The following TNR variants were observed in gnomAD, a reference collection of about 807,000 sequenced individuals.
TNR encodes tenascin-R.
TNR carries 45 observed loss-of-function variants against 150.4 expected under a neutral mutation model. The ratio of observed to expected loss-of-function variants is 0.30; its 90% CI spans 0.24 to 0.38. The LOEUF is 0.38. Ranked by LOEUF, TNR falls within the 10% of genes least tolerant of loss-of-function variation. The pLI is 1.00. For synonymous variants in TNR, 687 were observed against 678.4 expected, an observed-to-expected ratio of 1.01 and a Z score of -0.20; for missense variants, 1,544 against 1,759.1, an observed-to-expected ratio of 0.88 and a Z score of 2.19.
chr1:175,470,258 C>A (rs767131105), intron 2 of TNR, among the ~76,000 whole-genome samples: 2 of 151,918 alleles, frequency 1.3e-5, no homozygotes, highest in Non-Finnish European at 2.9e-5. Context: ...TGGATTAGAT[C>A]ATTGAAAGAA....
chr1:175,392,843 T>G (rs1653244003), intron 6 of TNR, among the ~76,000 whole-genome samples: 1 of 152,172 alleles, frequency 6.6e-6, no homozygotes, highest in Non-Finnish European at 1.5e-5. Context: ...TAAACTAAAC[T>G]AGATGTAAAA....
At chr1:175,406,888 G>T in intron 2 of TNR, 111 bp from the exon 3 acceptor site, 1 of 756,170 alleles carries the variant, frequency 1.3e-6, no homozygotes, top group Non-Finnish European at 2.1e-6. Context: ...TTTCAAGGGG[G>T]GGGCGTCAGG....
In TNR at chr1:175,316,619, T is replaced by G. The variant is rs1328272820; in HGVS notation, c.*6738A>C. ...CTTCCTCAATCCTGGCTACACTGCC[T>G]GCTCCAGCTTGAAAAAAATGACTGG... On this transcript the variant is annotated 3_prime_UTR_variant, in exon 23 of 23. Transcript: ENST00000367674. The G allele has an allele frequency of 1.3e-5, 2 of 152,234 alleles. No homozygotes were observed. The highest frequency in any genetic ancestry group is 3.9e-4 in the East Asian group (2 of 5,180). The allele number at this position is 152,234 out of a possible 1,614,324, so 9.4% of individuals were successfully genotyped here.
At chr1:175,654,499 T>G (rs1665109685) in intron 1 of TNR, among the ~76,000 whole-genome samples, 1 of 152,118 alleles carries the variant, frequency 6.6e-6, no homozygotes, top group Admixed American at 6.5e-5. Context: ...GGGGATCACA[T>G]TTTTTCCAGC....
At chr1:175,356,522 A>G in intron 15 of TNR, 60 bp from the exon 16 acceptor site, 1 of 1,590,594 alleles carries the variant, frequency 6.3e-7, no homozygotes, top group Non-Finnish European at 8.6e-7. Flanking sequence ...GGAAAGATCT[A>G]CCAAATCCAA....
chr1:175,355,113 T>C (rs1651258905), intron 17 of TNR, among the ~76,000 whole-genome samples: 1 of 152,214 alleles, frequency 6.6e-6, no homozygotes, highest in African/African-American at 2.4e-5. Context: ...GCCCTGTTGT[T>C]GAAAAACTAT....
chr1:175,732,400 G>A (rs1667665611), intron 1 of TNR, among the ~76,000 whole-genome samples: 1 of 152,208 alleles, frequency 6.6e-6, no homozygotes, highest in Non-Finnish European at 1.5e-5. Flanking sequence ...GAGACTGGAT[G>A]AAGGAAAACC....
intron 1 of TNR, among the ~76,000 whole-genome samples, chr1:175,689,063 C>T (rs553617504): frequency 2.6e-5 from 4 of 152,364 alleles, no homozygotes; most frequent in African/African-American, 9.6e-5. Flanking sequence ...AACTAGAGTT[C>T]TTGGCATCCT....
chr1:175,644,498 A>G (rs1236243506), intron 1 of TNR, among the ~76,000 whole-genome samples: 3 of 152,232 alleles, frequency 2.0e-5, no homozygotes, highest in African/African-American at 7.2e-5. Context: ...TATGTTATAA[A>G]GTAGACCAGT....
intron 2 of TNR, among the ~76,000 whole-genome samples, chr1:175,410,811 C>T (rs749372282): frequency 1.3e-5 from 2 of 152,206 alleles, no homozygotes; most frequent in African/African-American, 2.4e-5. Flanking sequence ...ACAGAGTTTC[C>T]TGCTGACTCA....
intron 6 of TNR, among the ~76,000 whole-genome samples, chr1:175,392,736 C>T (rs931021758): frequency 1.1e-4 from 16 of 152,194 alleles, no homozygotes; most frequent in South Asian, 2.1e-4. Context: ...AACAGAGCCC[C>T]GGGATAGGTG....
chr1:175,657,853 G>GTATGTATATATATATATATATA (rs1665231476), intron 1 of TNR, among the ~76,000 whole-genome samples: 2 of 70,460 alleles, frequency 2.8e-5, no homozygotes, highest in Admixed American at 1.5e-4. Context: ...CATGGAACAT[G>GTATGTATATATATATATATATA]TATATATATA....
chr1:175,495,558 T>A (rs1658451538), intron 2 of TNR, among the ~76,000 whole-genome samples: 1 of 152,206 alleles, frequency 6.6e-6, no homozygotes, highest in Non-Finnish European at 1.5e-5. Flanking sequence ...CTTCTAAATT[T>A]CCTTTCTATA....
At chr1:175,621,982 G>A (rs930240881) in intron 1 of TNR, among the ~76,000 whole-genome samples, 12 of 152,272 alleles carry the variant, frequency 7.9e-5, no homozygotes, top group Admixed American at 3.9e-4. Flanking sequence ...GTTTAGTTCC[G>A]TCTCTTTGAA....
intron 13 of TNR, among the ~76,000 whole-genome samples, chr1:175,363,183 G>A (rs2102011862): frequency 6.6e-6 from 1 of 152,328 alleles, no homozygotes. Context: ...AAGTGAGTGT[G>A]CCCTCCACTT....
chr1:175,552,388 A>C (rs1660979516), intron 1 of TNR, among the ~76,000 whole-genome samples: 1 of 152,226 alleles, frequency 6.6e-6, no homozygotes, highest in Non-Finnish European at 1.5e-5. Flanking sequence ...CAGAGAGCTG[A>C]GACAAAACTG....
chr1:175,367,662 G>A (rs923247144), intron 9 of TNR, among the ~76,000 whole-genome samples: 1 of 152,052 alleles, frequency 6.6e-6, no homozygotes, highest in Non-Finnish European at 1.5e-5. Context: ...TGTGAATTTC[G>A]GGAGTATGTA....
intron 1 of TNR, among the ~76,000 whole-genome samples, chr1:175,642,423 G>A (rs1450918100): frequency 1.3e-5 from 2 of 152,230 alleles, no homozygotes; most frequent in Admixed American, 6.5e-5. Context: ...GAACCCAGAA[G>A]CCAGGTTATG....
intron 2 of TNR, among the ~76,000 whole-genome samples, chr1:175,429,556 G>A: frequency 6.6e-6 from 1 of 152,194 alleles, no homozygotes; most frequent in East Asian, 1.9e-4. Flanking sequence ...ACTACTACAT[G>A]AAAATACTAG....
Sources: allele counts gnomAD v4.1 joint callset (sites outside exome capture counted in the v4.1 genomes callset), GRCh38; gene constraint gnomAD v4.1.1; transcripts MANE v1.5; gene names NCBI Gene and HGNC (gene_info 2026-07-23, HGNC 2026-07-21).